The following ATG14 variants were observed in gnomAD, a reference collection of about 807,000 sequenced individuals.
The protein encoded by ATG14 is autophagy related 14.
Under a neutral mutation model 60.4 loss-of-function variants are expected in ATG14, and 35 were observed. The ratio of observed to expected loss-of-function variants is 0.58; its 90% confidence interval spans 0.44 to 0.77. ATG14 has a LOEUF of 0.77. Ranked by LOEUF, ATG14 falls within the 30% of genes least tolerant of loss-of-function variation. The probability of loss-of-function intolerance (pLI) is 0.00; values close to 1 mark genes in which losing one functional copy is unlikely to be tolerated. For missense variants in ATG14, 647 were observed against 626.3 expected (o/e 1.03, Z -0.35); for synonymous variants, 234 against 228.8 (o/e 1.02, Z -0.21).
In ATG14 at chr14:55,397,438, T is replaced by C. The variant is rs757085292; in HGVS notation, c.222-4A>G. 7.5e-6 allele frequency: 12 copies of C among 1,609,584 alleles called. No individual in the cohort carries two copies. In the African/African-American group the frequency reaches 1.5e-4, roughly 20 times the overall value. ...CCTTTCCTTCTTGTCGATAAACCTG[T>C]AACAAAAAAATTCAATGTCTTATTT... On this transcript the variant is annotated splice_region_variant and splice_polypyrimidine_tract_variant and intron_variant, in intron 1 of 9. Transcript: ENST00000247178.
Position 55,411,740 on chromosome 14 carries a change from T to A in ATG14, c.83A>T (p.Asp28Val). 1 of 1,610,498 alleles carries A rather than the reference T, an allele frequency of 6.2e-7. No homozygotes were observed. Among genetic ancestry groups the A allele is most frequent in the East Asian group, 2.2e-5 (1 of 44,774 alleles). ...CAGCCCCTCCGCATCGTCCACGGAG[T>A]CCACCAGGTCCCGGGCGAGCGGCCG... ...GPRPLARDLVDSVDDAEGLYV... is the reference protein window; with the variant it reads ...GPRPLARDLVVSVDDAEGLYV... Residue 28 changes from aspartate to valine, a missense_variant, in exon 1 of 10, where the codon GAC becomes GTC. Transcript: ENST00000247178.
Position 55,369,522 on chromosome 14 carries a change from C to G in ATG14, c.*97G>C, listed in dbSNP as rs1313205004. 8.4e-7 allele frequency: 1 copy of G among 1,191,090 alleles called. No individual in the cohort carries two copies. Among genetic ancestry groups the G allele is most frequent in the Non-Finnish European group, 1.1e-6 (1 of 872,936 alleles). 73.8% of individuals were successfully genotyped at this position (1,191,090 alleles called of 1,614,324 possible). A position where few individuals can be genotyped will look rare whatever the true frequency, so the allele number is the denominator to read the frequency against. On this transcript the variant is annotated 3_prime_UTR_variant, in exon 10 of 10. Coordinates refer to ENST00000247178, the MANE Select transcript of ATG14 (RefSeq NM_014924.5). Reference sequence around the variant, plus strand: ...AAAACAACACTTTAACCTCTTTGTTCCAGACACTATCTTAACTTAAACAGA... The same window carrying G: ...AAAACAACACTTTAACCTCTTTGTTGCAGACACTATCTTAACTTAAACAGA...
chr14:55,367,144 T>C lies in ATG14; in HGVS notation c.*2475A>G, dbSNP rs1884697254. 1.3e-5 allele frequency: 2 copies of C among 152,392 alleles called. No individual in the cohort carries two copies. The highest frequency in any genetic ancestry group is 6.5e-5 in the Admixed American group (1 of 15,284). The allele number at this position is 152,392 out of a possible 1,614,324, so 9.4% of individuals were successfully genotyped here. Reference sequence around the variant, plus strand: ...TTTGTGATCTCTGGATTCTATTCTTTAGCTTCATCTCTCATTCATGGTTTC... The same window carrying C: ...TTTGTGATCTCTGGATTCTATTCTTCAGCTTCATCTCTCATTCATGGTTTC... On this transcript the variant is annotated 3_prime_UTR_variant, in exon 10 of 10. Transcript: ENST00000247178.
intron 1 of ATG14, among the ~76,000 whole-genome samples, chr14:55,402,966 T>TAA (rs1885433904): frequency 1.9e-4 from 11 of 59,072 alleles, no homozygotes; most frequent in Admixed American, 8.3e-4. Context: ...TATATATATA[T>TAA]ATAAATAGCT....
rs1239586216 is a variant in ATG14, at chr14:55,380,610, T to C, written c.958A>G (p.Ile320Val). Reference protein sequence around the residue: ...ATQLVNILSHILDVNLPKKLC... With the variant: ...ATQLVNILSHVLDVNLPKKLC... ...TTTTTGGGAAGATTTACATCAAGTATATGAGACAGAATGTTGACCAGCTGA... is the reference window on the plus strand; with the variant it reads ...TTTTTGGGAAGATTTACATCAAGTACATGAGACAGAATGTTGACCAGCTGA... The change falls in exon 7 of 10, where the codon ATA becomes GTA. Residue 320 changes from isoleucine (I) to valine (V), a missense_variant. Physicochemically the swap from Ile to Val is conservative, Grantham distance 29 (BLOSUM62 3). Coordinates refer to ENST00000247178, the MANE Select transcript of ATG14 (RefSeq NM_014924.5). 1.2e-6 allele frequency: 2 copies of C among 1,613,110 alleles called. No homozygotes were observed. Among genetic ancestry groups the C allele is most frequent in the South Asian group, 2.2e-5 (2 of 90,828 alleles).
intron 7 of ATG14, among the ~76,000 whole-genome samples, chr14:55,378,622 C>A (rs1357145559): frequency 6.6e-6 from 1 of 152,118 alleles, no homozygotes; most frequent in Non-Finnish European, 1.5e-5. Context: ...TTCCTCCCTC[C>A]CTCCCTCAGT....
At position 55,390,173 on chromosome 14, in the gene ATG14, C is replaced by T. The variant is rs369730777; in HGVS notation, c.409+738G>A. On this transcript the variant is annotated intron_variant, in intron 4 of 9. Transcript: ENST00000247178. The stretch of plus-strand genomic sequence containing the variant: ...GCAATCTCCGCCTCCCAGGTTCAAG[C>T]AAGTCTCCTGCCTCAGCCTCCTGAG... Among the ~76,000 whole-genome samples, 16 of 152,254 alleles carry T rather than the reference C, an allele frequency of 1.1e-4. No individual in the cohort carries two copies. The South Asian group carries it at 3.3e-3, about 32-fold the overall frequency.
Position 55,385,903 on chromosome 14 carries a change from G to A in ATG14, c.603C>T (p.Leu201=), listed in dbSNP as rs1430057266. Residue 201 remains leucine, a synonymous_variant, in exon 5 of 10, where the codon CTC becomes CTT. Transcript: ENST00000247178. The stretch of plus-strand genomic sequence containing the variant: ...CCTCGATTGGAAAAATGACAGAGGT[G>A]AGCTCTAATATATGGGATCGTCGAA... ...ANLRRSHILE[L]TSVIFPIEEV... 6.2e-7 allele frequency: 1 copy of A among 1,613,734 alleles called. No individual in the cohort carries two copies. Among genetic ancestry groups the A allele is most frequent in the African/African-American group, 1.3e-5 (1 of 75,004 alleles).
At position 55,380,849 on chromosome 14, in the gene ATG14, TTG is replaced by T. The variant is rs370345669; in HGVS notation, c.878-161_878-160del. On this transcript the variant is annotated intron_variant, in intron 6 of 9. Transcript: ENST00000247178. ...TGACCAGACATAAATGGTCCATTCT[TTG>T]TGTGTATATATATATATATATATAT... Among the ~76,000 whole-genome samples, 880 of 131,292 alleles carry T rather than the reference TTG, an allele frequency of 6.7e-3. 10 individuals carry two copies. Among genetic ancestry groups the T allele is most frequent in the African/African-American group, 0.018 (591 of 31,964 alleles). The allele number at this position is 131,292 out of a possible 152,430, so 86.1% of individuals were successfully genotyped here.
rs1325442814 is a variant in ATG14, at chr14:55,367,454, C to T, written c.*2165G>A. ...GAGATCCCAGCAGTGTAGAAGAACC[C>T]ATAAGGGGCCGGGCGCGGTGGCTCA... On this transcript the variant is annotated 3_prime_UTR_variant, in exon 10 of 10. Transcript: ENST00000247178. 3 of 152,122 alleles carry T rather than the reference C, an allele frequency of 2.0e-5. No homozygotes were observed. Among genetic ancestry groups the T allele is most frequent in the African/African-American group, 7.2e-5 (3 of 41,418 alleles). 9.4% of individuals were successfully genotyped at this position (152,122 alleles called of 1,614,324 possible). A position where few individuals can be genotyped will look rare whatever the true frequency, so the allele number is the denominator to read the frequency against.
intron 9 of ATG14, among the ~76,000 whole-genome samples, chr14:55,372,320 A>C (rs1566576782): frequency 6.6e-6 from 1 of 151,994 alleles, no homozygotes; most frequent in Non-Finnish European, 1.5e-5. Context: ...CTTGCTGGAG[A>C]GCTGCCTCTC....
chr14:55,408,473 CCTCAAA>C (rs1388335181), intron 1 of ATG14, among the ~76,000 whole-genome samples: 1 of 151,642 alleles, frequency 6.6e-6, no homozygotes, highest in African/African-American at 2.4e-5. Flanking sequence ...AAACAAACTT[CCTCAAA>C]CTCACATAGC....
intron 6 of ATG14, among the ~76,000 whole-genome samples, 185 bp from the exon 7 acceptor site, chr14:55,380,875 A>ATATATATTTT (rs377330757): frequency 9.8e-5 from 11 of 112,722 alleles, no homozygotes; most frequent in African/African-American, 4.2e-4. Context: ...ATATATATAT[A>ATATATATTTT]TTTTTTTTTT....
Position 55,369,739 on chromosome 14 carries a change from G to A in ATG14, c.1359C>T (p.Val453=), listed in dbSNP as rs1403123600. Residue 453 remains valine, a synonymous_variant, in exon 10 of 10, where the codon GTC becomes GTT. Transcript: ENST00000247178. ...FCDIPSQSVE[V]SQSQSTQASP... ...ACGCCTGGGTGCTCTGACTCTGGGA[G>A]ACTTCCACAGACTGGGAAGGGATAT... The A allele has an allele frequency of 6.2e-7, 1 of 1,614,000 alleles. No homozygotes were observed. Among genetic ancestry groups the A allele is most frequent in the East Asian group, 2.2e-5 (1 of 44,878 alleles).
chr14:55,393,747 T>A (rs1271204001), intron 3 of ATG14, among the ~76,000 whole-genome samples: 1 of 151,996 alleles, frequency 6.6e-6, no homozygotes, highest in Non-Finnish European at 1.5e-5. Flanking sequence ...GATATGGGGT[T>A]TTGCCATGTT....
At chr14:55,411,536 G>C in intron 1 of ATG14, 66 bp downstream of exon 1, 1 of 1,492,018 alleles carries the variant, frequency 6.7e-7, no homozygotes. Flanking sequence ...CCAGGTTCCA[G>C]CCTTCGGCTG....
intron 5 of ATG14, among the ~76,000 whole-genome samples, 153 bp downstream of exon 5, chr14:55,385,706 G>A (rs796106264): frequency 1.3e-5 from 2 of 152,300 alleles, no homozygotes; most frequent in African/African-American, 4.8e-5. Flanking sequence ...TTTCTGCGGT[G>A]CGTACTGTTT....
chr14:55,406,329 G>C (rs745534691), intron 1 of ATG14, among the ~76,000 whole-genome samples: 1 of 152,166 alleles, frequency 6.6e-6, no homozygotes, highest in Non-Finnish European at 1.5e-5. Context: ...AAAATCAGAG[G>C]TTAAACAAGG....
Position 55,369,573 on chromosome 14 carries a change from G to A in ATG14, c.*46C>T. ...AAATGTTTACTAGAGTGTAGTGGGA[G>A]AAGAACTTTCTTGATGCAGATTTGG... On this transcript the variant is annotated 3_prime_UTR_variant, in exon 10 of 10. Coordinates refer to ENST00000247178, the MANE Select transcript of ATG14 (RefSeq NM_014924.5). The A allele has an allele frequency of 6.9e-7, 1 of 1,438,998 alleles. No homozygotes were observed. Among genetic ancestry groups the A allele is most frequent in the Non-Finnish European group, 9.3e-7 (1 of 1,080,294 alleles). The allele number at this position is 1,438,998 out of a possible 1,614,324, so 89.1% of individuals were successfully genotyped here.
Sources: gnomAD v4.1 joint callset for allele counts (sites outside exome capture counted in the v4.1 genomes callset) on GRCh38, gnomAD v4.1.1 for gene constraint, MANE v1.5 for transcripts, NCBI Gene and HGNC (gene_info 2026-07-23, HGNC 2026-07-21) for gene names.